Variants in PTPRG observed in about 807,000 individuals in gnomAD.
PTPRG encodes protein tyrosine phosphatase receptor type G, also known as receptor-type tyrosine-protein phosphatase gamma.
Under a neutral mutation model 165.3 loss-of-function variants are expected in PTPRG, and 102 were observed. The ratio of observed to expected loss-of-function variants is 0.62; its 90% CI spans 0.53 to 0.73. The LOEUF (loss-of-function observed/expected upper bound fraction) is 0.73. PTPRG is among the 30% of genes least tolerant of loss of function. The pLI is 0.00. For missense variants in PTPRG, 1,866 were observed against 1,861.4 expected (o/e 1.00, Z -0.05); for synonymous variants, 675 against 669.5 (o/e 1.01, Z -0.13).
intron 1 of PTPRG, among the ~76,000 whole-genome samples, chr3:61,664,570 T>A (rs1702753982): frequency 6.6e-6 from 1 of 152,372 alleles, no homozygotes; most frequent in Middle Eastern, 3.4e-3. Context: ...GGTTCACACA[T>A]GTAATCCCAG....
chr3:61,628,392 C>T (rs1467620100), intron 1 of PTPRG, among the ~76,000 whole-genome samples: 1 of 152,120 alleles, frequency 6.6e-6, no homozygotes, highest in Non-Finnish European at 1.5e-5. Flanking sequence ...TCTTGGCTCA[C>T]TGCAGCCTCT....
In PTPRG at chr3:62,195,776, T is replaced by G. The variant is rs897104498; in HGVS notation, c.1327+606T>G. 6.6e-6 allele frequency among the ~76,000 whole-genome samples: 1 copy of G among 151,940 alleles called. No homozygotes were observed. The highest frequency in any genetic ancestry group is 2.4e-5 in the African/African-American group (1 of 41,378). On this transcript the variant is annotated intron_variant, in intron 10 of 29. Transcript: ENST00000474889. The surrounding 1 kb of genome is among the most constrained non-coding windows in gnomAD (Gnocchi z 4.4). ...AATTGAGTGACCAAGAGACATAACA[T>G]TTTAGTGGGATTTTTTTTGTTTGTT...
chr3:61,767,801 T>G (rs1310034572), intron 2 of PTPRG, among the ~76,000 whole-genome samples: 1 of 151,794 alleles, frequency 6.6e-6, no homozygotes, highest in Non-Finnish European at 1.5e-5. Context: ...GGATCCCGTT[T>G]GTACCAAAGG....
At chr3:61,706,773 AGCCACTGT>A (rs1443963865) in intron 1 of PTPRG, among the ~76,000 whole-genome samples, 6 of 152,158 alleles carry the variant, frequency 3.9e-5, no homozygotes, top group Non-Finnish European at 7.4e-5. Context: ...TACAGGGGTG[AGCCACTGT>A]GCCCGGCCAG....
intron 5 of PTPRG, among the ~76,000 whole-genome samples, chr3:62,106,660 G>T (rs923744502): frequency 1.3e-5 from 2 of 152,006 alleles, no homozygotes; most frequent in African/African-American, 4.8e-5. Flanking sequence ...GTGCCACCAC[G>T]CCTTGCTAAC....
chr3:61,577,424 T>C (rs1027722167), intron 1 of PTPRG, among the ~76,000 whole-genome samples: 6 of 152,202 alleles, frequency 3.9e-5, no homozygotes, highest in African/African-American at 1.4e-4. Context: ...CACCTGTGGC[T>C]AGTAAACACT....
At chr3:62,193,924 G>C (rs180750621) in intron 9 of PTPRG, among the ~76,000 whole-genome samples, 10 of 152,278 alleles carry the variant, frequency 6.6e-5, no homozygotes, top group Admixed American at 5.9e-4. Flanking sequence ...TTTGTTGTTC[G>C]TTTCTTTAGG....
chr3:62,195,680 G>A lies in PTPRG; in HGVS notation c.1327+510G>A, dbSNP rs1214487342. The stretch of plus-strand genomic sequence containing the variant: ...TGATGACTTAGGGACTAATAGAAAG[G>A]TCCAGGGCCAGAACTAGGGTGAAGC... On this transcript the variant is annotated intron_variant, in intron 10 of 29. Coordinates refer to ENST00000474889, the MANE Select transcript of PTPRG (RefSeq NM_002841.4). The surrounding 1 kb of genome is among the most constrained non-coding windows in gnomAD (Gnocchi z 4.4). Among the ~76,000 whole-genome samples, 1 of 152,128 alleles carries A rather than the reference G, an allele frequency of 6.6e-6. No individual in the cohort carries two copies. Among genetic ancestry groups the A allele is most frequent in the Non-Finnish European group, 1.5e-5 (1 of 68,026 alleles).
chr3:62,108,932 A>T (rs1702570068), intron 5 of PTPRG, among the ~76,000 whole-genome samples: 2 of 148,056 alleles, frequency 1.4e-5, no homozygotes, highest in East Asian at 4.0e-4. Flanking sequence ...TAGATTCTAG[A>T]TATTAGCCCT....
At chr3:61,581,347 A>C (rs1460141951) in intron 1 of PTPRG, among the ~76,000 whole-genome samples, 1 of 152,198 alleles carries the variant, frequency 6.6e-6, no homozygotes, top group Non-Finnish European at 1.5e-5. Flanking sequence ...GGTAAGAAGG[A>C]AGGTCAAATC....
chr3:62,143,654 G>A (rs1441147824), intron 6 of PTPRG, among the ~76,000 whole-genome samples: 3 of 151,590 alleles, frequency 2.0e-5, no homozygotes, highest in Non-Finnish European at 4.4e-5. Flanking sequence ...TTTGGAATGA[G>A]CTTTATTAAA....
intron 1 of PTPRG, among the ~76,000 whole-genome samples, chr3:61,586,706 T>C (rs1382530085): frequency 3.3e-5 from 5 of 152,194 alleles, no homozygotes; most frequent in African/African-American, 1.2e-4. Context: ...AGGAGGGCAT[T>C]GACACATCCC....
chr3:61,677,140 G>A (rs1703260974), intron 1 of PTPRG, among the ~76,000 whole-genome samples: 1 of 151,646 alleles, frequency 6.6e-6, no homozygotes, highest in South Asian at 2.1e-4. Flanking sequence ...AGCTACTCGA[G>A]AGGCTGAGGC....
At chr3:61,724,961 C>G (rs993877716) in intron 1 of PTPRG, among the ~76,000 whole-genome samples, 4 of 152,100 alleles carry the variant, frequency 2.6e-5, no homozygotes, top group Non-Finnish European at 5.9e-5. Flanking sequence ...CTTTATAGCA[C>G]AAACATTCTT....
At chr3:61,593,472 G>T (rs1364993616) in intron 1 of PTPRG, among the ~76,000 whole-genome samples, 1 of 151,278 alleles carries the variant, frequency 6.6e-6, no homozygotes, top group Non-Finnish European at 1.5e-5. Context: ...TGGTTACATG[G>T]GTGGGAATTG....
chr3:62,226,223 C>G (rs767140608), intron 13 of PTPRG, among the ~76,000 whole-genome samples: 4 of 152,194 alleles, frequency 2.6e-5, no homozygotes, highest in Non-Finnish European at 4.4e-5. Context: ...GAGTAGCATG[C>G]CTGGTGGCAT....
intron 2 of PTPRG, among the ~76,000 whole-genome samples, chr3:61,911,642 G>C (rs946118264): frequency 1.5e-4 from 23 of 151,986 alleles, no homozygotes; most frequent in African/African-American, 5.3e-4. Context: ...TGGTTTGTAT[G>C]ATTGTTTCCC....
intron 2 of PTPRG, among the ~76,000 whole-genome samples, chr3:61,856,380 A>AT (rs2037106538): frequency 1.3e-5 from 2 of 152,184 alleles, no homozygotes; most frequent in African/African-American, 4.8e-5. Flanking sequence ...TATTTTAGAA[A>AT]TTACAAAATT....
Position 62,271,296 on chromosome 3 carries a change from G to C in PTPRG, c.3010-87G>C. 2 of 1,138,742 alleles carry C rather than the reference G, an allele frequency of 1.8e-6. No individual in the cohort carries two copies. Among genetic ancestry groups the C allele is most frequent in the Non-Finnish European group, 2.5e-6 (2 of 795,510 alleles). The allele number at this position is 1,138,742 out of a possible 1,614,324, so 70.5% of individuals were successfully genotyped here. A position where few individuals can be genotyped will look rare whatever the true frequency, so the allele number is the denominator to read the frequency against. ...AGTGATTAGGGTGAATGTGATCAGTGGTCATGTGTCCTGACACCCTTACAT... is the reference window on the plus strand; with the variant it reads ...AGTGATTAGGGTGAATGTGATCAGTCGTCATGTGTCCTGACACCCTTACAT... On this transcript the variant is annotated intron_variant, in intron 20 of 29. Coordinates refer to ENST00000474889, the MANE Select transcript of PTPRG (RefSeq NM_002841.4). This position sits in a 1 kb window ranked among gnomAD's most constrained non-coding sequence, Gnocchi z 4.1.
Sources: allele counts gnomAD v4.1 joint callset (sites outside exome capture counted in the v4.1 genomes callset), GRCh38; gene constraint gnomAD v4.1.1; non-coding constraint Gnocchi (gnomAD v3.1); transcripts MANE v1.5; gene names NCBI Gene and HGNC (gene_info 2026-07-23, HGNC 2026-07-21).